Variants in TBC1D5 observed in about 807,000 individuals in gnomAD.
TBC1D5 encodes TBC1 domain family member 5.
In TBC1D5, 75 loss-of-function variants were observed where a neutral mutation model predicts 100.3. The observed-to-expected ratio is 0.75, with a 90% CI of 0.62 to 0.91. TBC1D5 has a LOEUF of 0.91. Ranked by LOEUF, TBC1D5 falls within the 40% of genes least tolerant of loss-of-function variation. The pLI, the probability that TBC1D5 is intolerant of heterozygous loss-of-function variation, is 0.00. For missense variants in TBC1D5, 910 were observed against 942.4 expected (o/e 0.97, Z 0.45); for synonymous variants, 323 against 325.6 (o/e 0.99, Z 0.09).
intron 17 of TBC1D5, among the ~76,000 whole-genome samples, chr3:17,225,937 A>C (rs2074839956): frequency 1.3e-5 from 2 of 152,078 alleles, no homozygotes; most frequent in African/African-American, 4.8e-5. Flanking sequence ...GAAAATGTGC[A>C]TAGGTTATAT....
intron 13 of TBC1D5, among the ~76,000 whole-genome samples, chr3:17,343,261 T>G (rs1358173141): frequency 2.3e-4 from 35 of 151,736 alleles, no homozygotes; most frequent in Middle Eastern, 3.4e-3. Context: ...TTATATGCTG[T>G]ATTACATTTA....
rs564053143 is a variant in TBC1D5 at position 17,333,495 on chromosome 3, A to G, written c.996-25361T>C. 17 of 152,318 alleles carry G rather than the reference A, an allele frequency of 1.1e-4. No homozygotes were observed. The East Asian group carries it at 3.1e-3, about 28-fold the overall frequency. The allele number at this position is 152,318 out of a possible 1,614,324, so 9.4% of individuals were successfully genotyped here. On this transcript the variant is annotated intron_variant, in intron 13 of 21. Transcript: ENST00000253692. ...AAATTAAATGTTTAATACAATTAAA[A>G]ATACAATAGAGATGAGAAAATTATG... is the stretch of plus-strand genomic sequence containing the variant.
At chr3:17,169,685 T>TA (rs984888898) in intron 19 of TBC1D5, among the ~76,000 whole-genome samples, 80 of 151,578 alleles carry the variant, frequency 5.3e-4, no homozygotes, top group African/African-American at 1.9e-3. Flanking sequence ...TCTCTCTCAA[T>TA]AAAAAAAACA....
chr3:17,557,702 AAC>A lies in TBC1D5; in HGVS notation c.-35-49099_-35-49098del, dbSNP rs546561775. Among the ~76,000 whole-genome samples the A allele has an allele frequency of 3.5e-3, 536 of 152,250 alleles. 3 individuals carry two copies. The highest frequency in any genetic ancestry group is 5.3e-3 in the Non-Finnish European group (362 of 68,000). On this transcript the variant is annotated intron_variant, in intron 2 of 21. Coordinates refer to ENST00000253692, the Ensembl canonical transcript of TBC1D5. ...AGTGGCTGGGACAACAGACACATGC[AAC>A]CATGCCCAATTAATTTTTGTTCTTT...
chr3:17,368,966 T>A (rs190971278), intron 13 of TBC1D5, among the ~76,000 whole-genome samples: 1 of 152,300 alleles, frequency 6.6e-6, no homozygotes, highest in East Asian at 1.9e-4. Flanking sequence ...AATTAACAAC[T>A]TTCTTCTAAA....
At chr3:17,353,696 A>G (rs932563157) in intron 13 of TBC1D5, among the ~76,000 whole-genome samples, 3 of 151,982 alleles carry the variant, frequency 2.0e-5, no homozygotes, top group Non-Finnish European at 4.4e-5. Flanking sequence ...TACAAATCAG[A>G]AAGTCAGCTC....
intron 2 of TBC1D5, among the ~76,000 whole-genome samples, chr3:17,549,220 G>C (rs983392379): frequency 2.6e-5 from 4 of 152,224 alleles, no homozygotes; most frequent in African/African-American, 7.2e-5. Flanking sequence ...AGAATCACTT[G>C]AACCTGGGAG....
exon 21 of TBC1D5, chr3:17,166,827 G>T: frequency 6.2e-7 from 1 of 1,614,162 alleles, no homozygotes; most frequent in Non-Finnish European, 8.5e-7. Flanking sequence ...GGCCCTGGCC[G>T]CTGGAGCAGT....
chr3:17,329,076 G>A (rs2086557521), intron 13 of TBC1D5, among the ~76,000 whole-genome samples: 1 of 152,164 alleles, frequency 6.6e-6, no homozygotes, highest in African/African-American at 2.4e-5. Context: ...ATTTCTGCAA[G>A]CACCACCTCA....
intron 15 of TBC1D5, among the ~76,000 whole-genome samples, chr3:17,259,074 C>G (rs2078026081): frequency 6.6e-6 from 1 of 152,094 alleles, no homozygotes; most frequent in African/African-American, 2.4e-5. Flanking sequence ...GAGTTATTTT[C>G]AGAATTCAGC....
At chr3:17,255,107 G>C (rs2077521481) in intron 16 of TBC1D5, among the ~76,000 whole-genome samples, 1 of 152,188 alleles carries the variant, frequency 6.6e-6, no homozygotes, top group Non-Finnish European at 1.5e-5. Context: ...TGAGTATAGA[G>C]AAGAAAAGAA....
chr3:17,455,490 GTGTATATATATA>G (rs2095058131), intron 3 of TBC1D5, among the ~76,000 whole-genome samples: 1 of 136,900 alleles, frequency 7.3e-6, no homozygotes, highest in African/African-American at 3.1e-5. Context: ...GTATATATAT[GTGTATATATATA>G]TGTGTGTGTG....
At chr3:17,562,606 A>T (rs1298502466) in intron 2 of TBC1D5, among the ~76,000 whole-genome samples, 1 of 152,180 alleles carries the variant, frequency 6.6e-6, no homozygotes, top group South Asian at 2.1e-4. Context: ...GGACTGTGCT[A>T]AACACCAGAC....
chr3:17,291,051 CCA>C (rs2081678755), intron 15 of TBC1D5, among the ~76,000 whole-genome samples: 1 of 152,190 alleles, frequency 6.6e-6, no homozygotes, highest in Non-Finnish European at 1.5e-5. Flanking sequence ...GCAATGGAAC[CCA>C]CAGACAGACT....
At chr3:17,724,677 C>G (rs2075979380) in intron 1 of TBC1D5, among the ~76,000 whole-genome samples, 1 of 152,184 alleles carries the variant, frequency 6.6e-6, no homozygotes, top group African/African-American at 2.4e-5. Flanking sequence ...ACATTCTCAA[C>G]TATTATCTCA....
At chr3:17,636,540 C>T (rs1018821467) in intron 1 of TBC1D5, among the ~76,000 whole-genome samples, 3 of 151,990 alleles carry the variant, frequency 2.0e-5, no homozygotes, top group South Asian at 4.2e-4. Flanking sequence ...GCCTGTAATC[C>T]CAGCACTTTG....
At chr3:17,481,356 G>C (rs778155716) in intron 3 of TBC1D5, among the ~76,000 whole-genome samples, 62 of 152,196 alleles carry the variant, frequency 4.1e-4, no homozygotes, top group Non-Finnish European at 7.8e-4. Context: ...AGCACAGCCT[G>C]CCAAGCCAAG....
chr3:17,726,870 G>T (rs981526012), intron 1 of TBC1D5, among the ~76,000 whole-genome samples: 2 of 151,930 alleles, frequency 1.3e-5, no homozygotes, highest in African/African-American at 2.4e-5. Context: ...TCATTTTGTG[G>T]AACTACGTAA....
At chr3:17,572,446 C>G (rs2096633310) in intron 2 of TBC1D5, among the ~76,000 whole-genome samples, 3 of 152,022 alleles carry the variant, frequency 2.0e-5, no homozygotes, top group Admixed American at 2.0e-4. Flanking sequence ...CTCTCTCTCT[C>G]TCCCTTCTGG....
Sources: allele counts gnomAD v4.1 joint callset (sites outside exome capture counted in the v4.1 genomes callset), GRCh38; gene constraint gnomAD v4.1.1; transcripts MANE v1.5; gene names NCBI Gene and HGNC (gene_info 2026-07-23, HGNC 2026-07-21).